Variants in GRAMD2A observed in about 807,000 individuals in gnomAD.
GRAMD2A encodes the protein GRAM domain-containing protein 2A.
In GRAMD2A, 37 loss-of-function variants were observed where a neutral mutation model predicts 51.1. The observed-to-expected ratio is 0.72, with a 90% CI of 0.56 to 0.95. The LOEUF (loss-of-function observed/expected upper bound fraction) is 0.95. Ranked by LOEUF, GRAMD2A falls within the 40% of genes least tolerant of loss-of-function variation. GRAMD2A has a pLI of 0.00. For missense variants in GRAMD2A, 414 were observed against 426.9 expected, an observed-to-expected ratio of 0.97 and a Z score of 0.27; for synonymous variants, 136 against 157.1, an observed-to-expected ratio of 0.87 and a Z score of 1.01.
intron 1 of GRAMD2A, among the ~76,000 whole-genome samples, chr15:72,183,814 G>A (rs555422069): frequency 3.5e-4 from 53 of 152,378 alleles, no homozygotes; most frequent in African/African-American, 1.2e-3. Flanking sequence ...CGCAAAGGCA[G>A]TCCCTGAATT....
intron 1 of GRAMD2A, among the ~76,000 whole-genome samples, chr15:72,182,090 C>T (rs916484612): frequency 6.6e-6 from 1 of 152,114 alleles, no homozygotes; most frequent in South Asian, 2.1e-4. Context: ...TTCGGCCAGG[C>T]GCAGTGGCTC....
Position 72,166,829 on chromosome 15 carries a change from C to A in GRAMD2A, c.472-126G>T. 1.0e-6 allele frequency: 1 copy of A among 968,602 alleles called. No homozygotes were observed. Among genetic ancestry groups the A allele is most frequent in the East Asian group, 2.5e-5 (1 of 40,152 alleles). 60.0% of individuals were successfully genotyped at this position (968,602 alleles called of 1,614,324 possible). ...CAGGCCATGAGAGCCAACAGAAGCTCTGCCTAGGAACTTCTCTTCCAGCTT... is the reference window on the plus strand; with the variant it reads ...CAGGCCATGAGAGCCAACAGAAGCTATGCCTAGGAACTTCTCTTCCAGCTT... On this transcript the variant is annotated intron_variant, in intron 6 of 11. Coordinates refer to ENST00000309731, the MANE Select transcript of GRAMD2A (RefSeq NM_001012642.3). The surrounding 1 kb of genome is among the most constrained non-coding windows in gnomAD (Gnocchi z 4.1).
At chr15:72,168,430 C>T in intron 4 of GRAMD2A, 61 bp downstream of exon 4, 2 of 1,213,648 alleles carry the variant, frequency 1.6e-6, no homozygotes, top group Non-Finnish European at 1.2e-6. Flanking sequence ...GGCTCCAGAG[C>T]AGAGGCCCCT....
At chr15:72,179,061 G>A (rs990176710) in intron 1 of GRAMD2A, among the ~76,000 whole-genome samples, 1 of 152,164 alleles carries the variant, frequency 6.6e-6, no homozygotes, top group Non-Finnish European at 1.5e-5. Context: ...CCCTGGCAGC[G>A]GGCTCCAGAG....
intron 1 of GRAMD2A, among the ~76,000 whole-genome samples, chr15:72,187,626 A>C (rs575918093): frequency 1.6e-3 from 246 of 152,036 alleles, no homozygotes; most frequent in African/African-American, 5.8e-3. Flanking sequence ...CAATTCTCCC[A>C]CTCAGCCTCC....
chr15:72,178,018 G>A (rs1015957427), intron 1 of GRAMD2A, among the ~76,000 whole-genome samples: 2 of 152,080 alleles, frequency 1.3e-5, no homozygotes, highest in Non-Finnish European at 2.9e-5. Context: ...GTGAGCCACC[G>A]CACCTGGCCG....
chr15:72,168,943 T>A lies in GRAMD2A; in HGVS notation c.188A>T (p.Glu63Val). ...KGEEIKKCGREGITLNKYNQQ... is the reference protein window; with the variant it reads ...KGEEIKKCGRVGITLNKYNQQ... ...GAAGTCAGCCTCCAGACTTACCCCT[T>A]CTCGGCCACACTTCTTTATCTCTTC... Residue 63 changes from glutamate (E) to valine (V), a missense_variant, in exon 3 of 12, where the codon GAA becomes GTA. By Grantham distance (121) the Glu-to-Val change is moderately radical (BLOSUM62 -2). Coordinates refer to ENST00000309731, the MANE Select transcript of GRAMD2A (RefSeq NM_001012642.3). 1.2e-6 allele frequency: 2 copies of A among 1,614,008 alleles called. No homozygotes were observed. Among genetic ancestry groups the A allele is most frequent in the Non-Finnish European group, 1.7e-6 (2 of 1,179,848 alleles).
chr15:72,162,952 C>CCT (rs953906856), intron 10 of GRAMD2A: 2 of 314,166 alleles, frequency 6.4e-6, no homozygotes, highest in Admixed American at 4.5e-5. Context: ...CCAAGCTTTT[C>CCT]CTCTCTCTCT....
rs942808802 is a variant in GRAMD2A, at chr15:72,163,777, G to A, written c.601-20C>T. 2 of 1,606,340 alleles carry A rather than the reference G, an allele frequency of 1.2e-6. No individual in the cohort carries two copies. ...GACTTCCTGCAGTAAGACAGGAGAA[G>A]CTATCTTACCATGGCCCTTGCGATC... On this transcript the variant is annotated intron_variant, in intron 8 of 11. Coordinates refer to ENST00000309731, the MANE Select transcript of GRAMD2A (RefSeq NM_001012642.3).
At chr15:72,194,355 C>T (rs1050501536) in intron 1 of GRAMD2A, among the ~76,000 whole-genome samples, 6 of 152,148 alleles carry the variant, frequency 3.9e-5, no homozygotes, top group African/African-American at 7.2e-5. Context: ...AAACATCTTC[C>T]GAAACTGGGA....
Position 72,163,770 on chromosome 15 carries a change from A to G in GRAMD2A, c.601-13T>C, listed in dbSNP as rs1474605614. The G allele has an allele frequency of 6.2e-7, 1 of 1,607,486 alleles. No individual in the cohort carries two copies. Among genetic ancestry groups the G allele is most frequent in the Non-Finnish European group, 8.5e-7 (1 of 1,178,368 alleles). On this transcript the variant is annotated splice_polypyrimidine_tract_variant and intron_variant, in intron 8 of 11. Coordinates refer to ENST00000309731, the MANE Select transcript of GRAMD2A (RefSeq NM_001012642.3). ...GGATGAGGACTTCCTGCAGTAAGAC[A>G]GGAGAAGCTATCTTACCATGGCCCT...
intron 8 of GRAMD2A, among the ~76,000 whole-genome samples, chr15:72,164,387 A>C (rs1024512703): frequency 4.7e-5 from 7 of 149,974 alleles, no homozygotes; most frequent in Non-Finnish European, 8.9e-5. Flanking sequence ...TAGTCTTTGG[A>C]GTTCTTCCCT....
At chr15:72,163,570 G>T in intron 9 of GRAMD2A, 43 bp downstream of exon 9, 1 of 1,589,498 alleles carries the variant, frequency 6.3e-7, no homozygotes, top group Non-Finnish European at 8.6e-7. Flanking sequence ...AGAAAGTCTG[G>T]CCTTTGCAAG....
intron 1 of GRAMD2A, among the ~76,000 whole-genome samples, chr15:72,186,728 A>G (rs1596697520): frequency 6.6e-6 from 1 of 152,220 alleles, no homozygotes; most frequent in South Asian, 2.1e-4. Flanking sequence ...ATGGGGAAAA[A>G]TGTAGAAATA....
Position 72,166,570 on chromosome 15 carries a change from G to A in GRAMD2A, c.543+62C>T. Reference sequence around the variant, plus strand: ...ATGGGCGACCTCCCCCAACACCCTTGTGCAAGACCTGCATCCAGGCCTGAG... The same window carrying A: ...ATGGGCGACCTCCCCCAACACCCTTATGCAAGACCTGCATCCAGGCCTGAG... On this transcript the variant is annotated intron_variant, in intron 7 of 11. Coordinates refer to ENST00000309731, the MANE Select transcript of GRAMD2A (RefSeq NM_001012642.3). The surrounding 1 kb of genome is among the most constrained non-coding windows in gnomAD (Gnocchi z 4.1). 2.4e-6 allele frequency: 3 copies of A among 1,263,936 alleles called. No individual in the cohort carries two copies. Among genetic ancestry groups the A allele is most frequent in the Non-Finnish European group, 3.5e-6 (3 of 863,528 alleles). 78.3% of individuals were successfully genotyped at this position (1,263,936 alleles called of 1,614,324 possible).
chr15:72,184,620 G>C (rs184844661), intron 1 of GRAMD2A, among the ~76,000 whole-genome samples: 4 of 152,344 alleles, frequency 2.6e-5, no homozygotes, highest in Non-Finnish European at 4.4e-5. Context: ...CCCAGGCTGG[G>C]CTCGGCCGAG....
chr15:72,161,597 T>TG lies in GRAMD2A; in HGVS notation c.*411dup. 2 of 250,714 alleles carry TG rather than the reference T, an allele frequency of 8.0e-6. No individual in the cohort carries two copies. Among genetic ancestry groups the TG allele is most frequent in the Non-Finnish European group, 7.9e-6 (1 of 127,272 alleles). 15.5% of individuals were successfully genotyped at this position (250,714 alleles called of 1,614,324 possible). ...CTCTGACCCCACCATAGGAGTGAGCTGTGTGGCAGAGCCACATTCCAAATG... is the reference window on the plus strand; with the variant it reads ...CTCTGACCCCACCATAGGAGTGAGCTGGTGTGGCAGAGCCACATTCCAAATG... On this transcript the variant is annotated 3_prime_UTR_variant, in exon 12 of 12. Transcript: ENST00000309731.
In GRAMD2A at chr15:72,166,993, C is replaced by G; in HGVS notation, c.471+1G>C. 1 of 1,612,184 alleles carries G rather than the reference C, an allele frequency of 6.2e-7. No individual in the cohort carries two copies. The highest frequency in any genetic ancestry group is 2.2e-5 in the East Asian group (1 of 44,872). On this transcript the variant is annotated splice_donor_variant, in intron 6 of 11. Transcript: ENST00000309731. LOFTEE classifies it high-confidence loss of function. The surrounding 1 kb of genome is among the most constrained non-coding windows in gnomAD (Gnocchi z 4.1). ...AGGGAGCATGGGCCCAGTGCACTGA[C>G]CTTCTGGCTGGTGTTGGTGGTGATG...
At chr15:72,167,710 T>G in intron 5 of GRAMD2A, 26 bp downstream of exon 5, 1 of 1,545,412 alleles carries the variant, frequency 6.5e-7, no homozygotes, top group Non-Finnish European at 8.9e-7. Flanking sequence ...CACAGGGTCA[T>G]GGCAGCCCTC....
Sources: gnomAD v4.1 joint callset for allele counts (sites outside exome capture counted in the v4.1 genomes callset) on GRCh38, gnomAD v4.1.1 for gene constraint, Gnocchi (gnomAD v3.1) non-coding constraint, MANE v1.5 for transcripts, NCBI Gene and HGNC (gene_info 2026-07-23, HGNC 2026-07-21) for gene names.